The following RSPO4 variants were observed in gnomAD, a reference collection of about 807,000 sequenced individuals.
RSPO4 encodes R-spondin 4.
RSPO4 carries 23 observed loss-of-function variants against 24.8 expected under a neutral mutation model. The observed-to-expected ratio is 0.93, with a 90% CI of 0.67 to 1.31. The LOEUF (loss-of-function observed/expected upper bound fraction) is 1.31. Ranked by LOEUF, RSPO4 falls within the 40% of genes most tolerant of loss-of-function variation. The probability of loss-of-function intolerance (pLI) is 0.00; values close to 1 mark genes in which losing one functional copy is unlikely to be tolerated. For missense variants in RSPO4, 333 were observed against 316.5 expected (o/e 1.05, Z -0.39); for synonymous variants, 141 against 127.4 (o/e 1.11, Z -0.72).
intron 1 of RSPO4, among the ~76,000 whole-genome samples, chr20:998,306 A>G (rs757101832): frequency 2.0e-5 from 3 of 152,116 alleles, no homozygotes; most frequent in Non-Finnish European, 4.4e-5. Flanking sequence ...AGATCTAGGG[A>G]TGCGAACCAG....
chr20:960,785 TC>T (rs1436424011), intron 4 of RSPO4, among the ~76,000 whole-genome samples: 1 of 152,232 alleles, frequency 6.6e-6, no homozygotes, highest in Non-Finnish European at 1.5e-5. Flanking sequence ...TCGGGTGGCC[TC>T]ATGGGAGTCC....
At chr20:1,001,788 T>C (rs1985472123) in intron 1 of RSPO4, among the ~76,000 whole-genome samples, 1 of 152,146 alleles carries the variant, frequency 6.6e-6, no homozygotes, top group Admixed American at 6.5e-5. Flanking sequence ...TTGAGTCTTC[T>C]GTCTCTGCAC....
At chr20:974,404 C>T (rs1984499854) in intron 1 of RSPO4, among the ~76,000 whole-genome samples, 2 of 152,192 alleles carry the variant, frequency 1.3e-5, no homozygotes, top group South Asian at 4.1e-4. Context: ...TGACCTAAGG[C>T]GATCTGCAGG....
intron 1 of RSPO4, among the ~76,000 whole-genome samples, chr20:974,546 C>T (rs1351046563): frequency 6.6e-6 from 1 of 152,248 alleles, no homozygotes; most frequent in Non-Finnish European, 1.5e-5. Context: ...TGCACTTAAC[C>T]TGGGCTTGGC....
At chr20:994,570 T>G in intron 1 of RSPO4, among the ~76,000 whole-genome samples, 1 of 152,184 alleles carries the variant, frequency 6.6e-6, no homozygotes, top group East Asian at 1.9e-4. Flanking sequence ...GTCTTAATTT[T>G]TTTTTAGACG....
chr20:983,225 G>A (rs1190914486), intron 1 of RSPO4, among the ~76,000 whole-genome samples: 4 of 152,150 alleles, frequency 2.6e-5, no homozygotes, highest in African/African-American at 9.7e-5. Flanking sequence ...CTTGGACTCA[G>A]ACTCATTGTA....
intron 1 of RSPO4, among the ~76,000 whole-genome samples, chr20:994,955 T>C (rs1985228894): frequency 6.6e-6 from 1 of 152,248 alleles, no homozygotes; most frequent in Non-Finnish European, 1.5e-5. Flanking sequence ...ACTGAGGCTC[T>C]GAGAGGCTCT....
intron 1 of RSPO4, 36 bp from the exon 2 acceptor site, chr20:968,174 GGAGA>G (rs748482022): frequency 1.9e-6 from 3 of 1,598,384 alleles, no homozygotes; most frequent in East Asian, 4.5e-5. Flanking sequence ...AGGGGGAAAG[GGAGA>G]GAGAGATGGT....
In RSPO4 at chr20:981,183, G is replaced by T. The variant is rs187785731; in HGVS notation, c.80-13045C>A. Among the ~76,000 whole-genome samples, 1 of 152,324 alleles carries T rather than the reference G, an allele frequency of 6.6e-6. No individual in the cohort carries two copies. The highest frequency in any genetic ancestry group is 6.5e-5 in the Admixed American group (1 of 15,302). ...CTACTGTGTCACACTGCCTTACCCTGTTGGTCTGATGATGAACGTGGAGCG... is the reference window on the plus strand; with the variant it reads ...CTACTGTGTCACACTGCCTTACCCTTTTGGTCTGATGATGAACGTGGAGCG... On this transcript the variant is annotated intron_variant, in intron 1 of 4. Coordinates refer to ENST00000217260, the MANE Select transcript of RSPO4 (RefSeq NM_001029871.4). The surrounding 1 kb of genome is among the most constrained non-coding windows in gnomAD (Gnocchi z 4.6).
chr20:971,212 C>T (rs549783987), intron 1 of RSPO4, among the ~76,000 whole-genome samples: 2 of 152,330 alleles, frequency 1.3e-5, no homozygotes, highest in East Asian at 1.9e-4. Context: ...CAAACTCTGG[C>T]GCACAACAGC....
rs548118025 is a variant in RSPO4 at position 958,792 on chromosome 20, C to G, written c.*1565G>C. 1 of 152,522 alleles carries G rather than the reference C, an allele frequency of 6.6e-6. No individual in the cohort carries two copies. Among genetic ancestry groups the G allele is most frequent in the South Asian group, 2.1e-4 (1 of 4,824 alleles). 9.4% of individuals were successfully genotyped at this position (152,522 alleles called of 1,614,324 possible). A position where few individuals can be genotyped will look rare whatever the true frequency, so the allele number is the denominator to read the frequency against. ...TGACCATCTTCCTTCCCCAGGCCAC[C>G]CCTGGGCCCCTTGGAGCTCCGACTC... is the stretch of plus-strand genomic sequence containing the variant. On this transcript the variant is annotated 3_prime_UTR_variant, in exon 5 of 5. Coordinates refer to ENST00000217260, the MANE Select transcript of RSPO4 (RefSeq NM_001029871.4).
intron 1 of RSPO4, among the ~76,000 whole-genome samples, chr20:992,532 T>C (rs6118525): frequency 0.13 from 20,159 of 151,814 alleles, 2,400 homozygotes; most frequent in African/African-American, 0.32. Context: ...GAGCCCAACC[T>C]CTCCCCCCAT....
intron 1 of RSPO4, among the ~76,000 whole-genome samples, chr20:971,243 G>T (rs1199871844): frequency 6.6e-6 from 1 of 152,264 alleles, no homozygotes; most frequent in African/African-American, 2.4e-5. Context: ...GAGCTTGTTA[G>T]AATATAGGTC....
At chr20:967,903 T>C (rs746642503) in intron 2 of RSPO4, 47 bp downstream of exon 2, 2 of 1,556,028 alleles carry the variant, frequency 1.3e-6, no homozygotes, top group South Asian at 2.2e-5. Flanking sequence ...AAGCCCATGG[T>C]GTCTAGGAGC....
Position 999,931 on chromosome 20 carries a change from T to C in RSPO4, c.79+2155A>G, listed in dbSNP as rs542923981. On this transcript the variant is annotated intron_variant, in intron 1 of 4. Transcript: ENST00000217260. ...ACACCCAGGCTGGAGTGCAGTGGCA[T>C]GATCTCGGCTCACTGCAACCTCTGC... 3.4e-4 allele frequency among the ~76,000 whole-genome samples: 51 copies of C among 152,188 alleles called. 1 individual carries two copies. The highest frequency in any genetic ancestry group is 1.2e-3 in the African/African-American group (48 of 41,510).
At chr20:969,873 G>A (rs1984354963) in intron 1 of RSPO4, among the ~76,000 whole-genome samples, 1 of 152,132 alleles carries the variant, frequency 6.6e-6, no homozygotes, top group Non-Finnish European at 1.5e-5. Context: ...ATGTCATTAG[G>A]GTCAGACTGG....
Position 959,107 on chromosome 20 carries a change from G to C in RSPO4, c.*1250C>G, listed in dbSNP as rs918337475. ...CGAGTGTGGTGGTGGGTGTGGGGGAGTGTGGTGGTGGGTGTGGGGCAGTGT... is the reference window on the plus strand; with the variant it reads ...CGAGTGTGGTGGTGGGTGTGGGGGACTGTGGTGGTGGGTGTGGGGCAGTGT... On this transcript the variant is annotated 3_prime_UTR_variant, in exon 5 of 5. Coordinates refer to ENST00000217260, the MANE Select transcript of RSPO4 (RefSeq NM_001029871.4). 1 of 147,228 alleles carries C rather than the reference G, an allele frequency of 6.8e-6. No homozygotes were observed. The highest frequency in any genetic ancestry group is 1.5e-5 in the Non-Finnish European group (1 of 66,890). The allele number at this position is 147,228 out of a possible 1,614,324, so 9.1% of individuals were successfully genotyped here.
intron 1 of RSPO4, among the ~76,000 whole-genome samples, chr20:971,535 T>C (rs1007665902): frequency 6.6e-6 from 1 of 152,200 alleles, no homozygotes; most frequent in African/African-American, 2.4e-5. Flanking sequence ...AACCCAGCCA[T>C]GATAAATGAC....
chr20:991,132 G>A (rs1043220474), intron 1 of RSPO4, among the ~76,000 whole-genome samples: 1 of 152,090 alleles, frequency 6.6e-6, no homozygotes, highest in African/African-American at 2.4e-5. Flanking sequence ...TAAAAGAAGG[G>A]GTCTCACCAC....
Sources: gnomAD v4.1 joint callset for allele counts (sites outside exome capture counted in the v4.1 genomes callset) on GRCh38, gnomAD v4.1.1 for gene constraint, Gnocchi (gnomAD v3.1) non-coding constraint, MANE v1.5 for transcripts, NCBI Gene and HGNC (gene_info 2026-07-23, HGNC 2026-07-21) for gene names.